The following MBD1 variants were observed in gnomAD, a reference collection of about 807,000 sequenced individuals.
The protein encoded by MBD1 is methyl-CpG-binding domain protein 1.
Under a neutral mutation model 82.6 loss-of-function variants are expected in MBD1, and 25 were observed. That is an observed-to-expected ratio of 0.30 (90% CI 0.22 to 0.42). The LOEUF (loss-of-function observed/expected upper bound fraction) is 0.42. MBD1 is among the 10% of genes least tolerant of loss of function. The pLI is 1.00. For missense variants in MBD1, 627 were observed against 819.6 expected (o/e 0.76, Z 2.87); for synonymous variants, 301 against 303.7 (o/e 0.99, Z 0.09).
At position 50,274,138 on chromosome 18, in the gene MBD1, G is replaced by A. The variant is rs775617920; in HGVS notation, c.1146+48C>T. The A allele has an allele frequency of 1.8e-5, 29 of 1,610,312 alleles. 2 individuals are homozygous for A. Among genetic ancestry groups the A allele is most frequent in the East Asian group, 6.7e-5 (3 of 44,880 alleles). On this transcript the variant is annotated intron_variant, in intron 11 of 16. Coordinates refer to ENST00000269468, the MANE Select transcript of MBD1 (RefSeq NM_015846.4). ...GCCCACCACTTCCAGGCACTGGGGC[G>A]CCTGGCCCAACCTATCCCGTCCACC...
chr18:50,271,732 G>A (rs1313858454), intron 15 of MBD1, among the ~76,000 whole-genome samples, 192 bp from the exon 16 acceptor site: 1 of 152,126 alleles, frequency 6.6e-6, no homozygotes, highest in Non-Finnish European at 1.5e-5. Context: ...GCTCCCTGAA[G>A]GTAGGTATCC....
chr18:50,272,056 T>C (rs1379718082), intron 15 of MBD1, among the ~76,000 whole-genome samples: 2 of 152,160 alleles, frequency 1.3e-5, no homozygotes, highest in African/African-American at 2.4e-5. Context: ...CTGCAAGGCA[T>C]CTGAAGTTAA....
rs1225085476 is a variant in MBD1, at chr18:50,277,176, C to T, written c.139G>A (p.Val47Ile). 1.1e-5 allele frequency: 17 copies of T among 1,614,064 alleles called. No individual in the cohort carries two copies. The highest frequency in any genetic ancestry group is 1.4e-5 in the Non-Finnish European group (16 of 1,180,038). The stretch of plus-strand genomic sequence containing the variant: ...GGGCCCAGGTATCGAGTCAGCTCAA[C>T]TTTGCTTCGGATCCTGTCTCCTGTG... ...SPTGDRIRSK[V>I]ELTRYLGPAC... is the part of the protein sequence containing the mutation. The change falls in exon 3 of 17, where the codon GTT (valine) becomes ATT (isoleucine). Residue 47 changes from valine to isoleucine, a missense_variant. Val to Ile is a conservative substitution (Grantham distance 29, BLOSUM62 3). This residue lies in a region of MBD1 where 42 missense variants were observed against 90.4 expected (regional missense o/e 0.46). Coordinates refer to ENST00000269468, the MANE Select transcript of MBD1 (RefSeq NM_015846.4).
chr18:50,273,757 C>A lies in MBD1; in HGVS notation c.1253G>T (p.Gly418Val), dbSNP rs1485303730. Residue 418 changes from glycine (G) to valine (V), a missense_variant, in exon 12 of 17, where the codon GGC (glycine) becomes GTC (valine). Gly to Val is a moderately radical substitution (Grantham distance 109). Coordinates refer to ENST00000269468, the MANE Select transcript of MBD1 (RefSeq NM_015846.4). ...AGCCAAGGTGGGCTTCAAGGTAGGG[C>A]CAAGATGGTGCCGTCGGGCAGAGCT... Reference protein sequence around the residue: ...RPSSARRHHLGPTLKPTLATR... With the variant: ...RPSSARRHHLVPTLKPTLATR... 1.2e-6 allele frequency: 2 copies of A among 1,614,114 alleles called. No homozygotes were observed. The highest frequency in any genetic ancestry group is 1.7e-6 in the Non-Finnish European group (2 of 1,180,034).
chr18:50,281,100 C>T lies in MBD1; in HGVS notation c.-26+263G>A, dbSNP rs546564852. On this transcript the variant is annotated intron_variant, in intron 1 of 16. Transcript: ENST00000269468. The stretch of plus-strand genomic sequence containing the variant: ...CTCAACTTCAGATGCCCCGATGTCT[C>T]CCTTTAGCGTTCTGATCTCCACCAT... 101 of 1,483,804 alleles carry T rather than the reference C, an allele frequency of 6.8e-5. 1 individual carries two copies. In the South Asian group the frequency reaches 1.2e-3, roughly 17 times the overall value. The allele number at this position is 1,483,804 out of a possible 1,614,324, so 91.9% of individuals were successfully genotyped here.
Position 50,281,188 on chromosome 18 carries a change from C to T in MBD1, c.-26+175G>A. The T allele has an allele frequency of 2.0e-6, 3 of 1,534,320 alleles. 1 individual carries two copies. The highest frequency in any genetic ancestry group is 2.4e-5 in the South Asian group (2 of 83,242). The stretch of plus-strand genomic sequence containing the variant: ...CCTGTCAGAGTTCAGAGCTGCATTC[C>T]TTCCCGTCCTCAGCCTAAATCCCCC... On this transcript the variant is annotated intron_variant, in intron 1 of 16. Transcript: ENST00000269468.
chr18:50,272,804 G>C lies in MBD1; in HGVS notation c.1716+20C>G. On this transcript the variant is annotated intron_variant, in intron 14 of 16. Transcript: ENST00000269468. ...GGCTACAGCAGGGTCAGGGCAGGGT[G>C]GGGCATCCCCAGCACTGACCACGGG... is the stretch of plus-strand genomic sequence containing the variant. The C allele has an allele frequency of 6.2e-7, 1 of 1,614,190 alleles. No individual in the cohort carries two copies. Among genetic ancestry groups the C allele is most frequent in the Non-Finnish European group, 8.5e-7 (1 of 1,180,014 alleles).
intron 8 of MBD1, 71 bp downstream of exon 8, chr18:50,275,528 AG>A: frequency 6.2e-7 from 1 of 1,612,206 alleles, no homozygotes; most frequent in Non-Finnish European, 8.5e-7. Flanking sequence ...AGGCAAGGCC[AG>A]GTTGAAAGGA....
chr18:50,275,313 C>G, intron 8 of MBD1, 68 bp from the exon 9 acceptor site: 1 of 1,611,256 alleles, frequency 6.2e-7, no homozygotes, highest in Non-Finnish European at 8.5e-7. Context: ...TCCCCACACC[C>G]TAAGTGCAGA....
At position 50,281,097 on chromosome 18, in the gene MBD1, T is replaced by C. The variant is rs139077061; in HGVS notation, c.-26+266A>G. The stretch of plus-strand genomic sequence containing the variant: ...TCTCTCAACTTCAGATGCCCCGATG[T>C]CTCCCTTTAGCGTTCTGATCTCCAC... On this transcript the variant is annotated intron_variant, in intron 1 of 16. Coordinates refer to ENST00000269468, the MANE Select transcript of MBD1 (RefSeq NM_015846.4). 5.5e-6 allele frequency: 8 copies of C among 1,463,136 alleles called. No individual in the cohort carries two copies. The Middle Eastern group carries it at 5.2e-4, about 94-fold the overall frequency. The allele number at this position is 1,463,136 out of a possible 1,614,324, so 90.6% of individuals were successfully genotyped here.
Position 50,273,772 on chromosome 18 carries a change from C to T in MBD1, c.1238G>A (p.Arg413Gln), listed in dbSNP as rs145074114. 16 of 1,613,966 alleles carry T rather than the reference C, an allele frequency of 9.9e-6. No individual in the cohort carries two copies. The African/African-American group carries it at 1.3e-4, about 13-fold the overall frequency. ...CAAGGTAGGGCCAAGATGGTGCCGT[C>T]GGGCAGAGCTGGGCCTCTTTCGACG... is the stretch of plus-strand genomic sequence containing the variant. ...YRRRKRPSSA[R>Q]RHHLGPTLKP... is the part of the protein sequence containing the mutation. Residue 413 changes from arginine (R) to glutamine (Q), a missense_variant, in exon 12 of 17, where the codon CGA (arginine) becomes CAA (glutamine). Physicochemically the swap from Arg to Gln is conservative, Grantham distance 43. Around this residue, in one of 6 missense-constraint regions of MBD1, gnomAD observed 265 missense variants for 278.4 expected, o/e 0.95. Coordinates refer to ENST00000269468, the MANE Select transcript of MBD1 (RefSeq NM_015846.4).
intron 5 of MBD1, 113 bp from the exon 6 acceptor site, chr18:50,276,531 C>T (rs1287353922): frequency 1.4e-6 from 2 of 1,434,972 alleles, no homozygotes; most frequent in South Asian, 1.2e-5. Flanking sequence ...TGCCTGCTAT[C>T]TCCAATATCC....
chr18:50,280,983 C>T (rs564100242), intron 1 of MBD1, among the ~76,000 whole-genome samples: 2 of 152,096 alleles, frequency 1.3e-5, no homozygotes, highest in Non-Finnish European at 2.9e-5. Flanking sequence ...TCCTATTCCT[C>T]CCTTTCAGCA....
At chr18:50,275,515 G>A in intron 8 of MBD1, 85 bp downstream of exon 8, 4 of 1,608,956 alleles carry the variant, frequency 2.5e-6, no homozygotes, top group Middle Eastern at 1.7e-4. Flanking sequence ...AAAGACATGA[G>A]GTAGGCAAGG....
At chr18:50,281,268 G>T in intron 1 of MBD1, 95 bp downstream of exon 1, 1 of 1,508,054 alleles carries the variant, frequency 6.6e-7, no homozygotes, top group Non-Finnish European at 8.9e-7. Context: ...ATCGGCCTGA[G>T]GGCCCTTCAT....
intron 14 of MBD1, 22 bp downstream of exon 14, chr18:50,272,802 G>A (rs201845429): frequency 1.2e-6 from 2 of 1,614,260 alleles, no homozygotes; most frequent in African/African-American, 1.3e-5. Flanking sequence ...TCAGGGCAGG[G>A]TGGGGCATCC....
In MBD1 at chr18:50,275,971, CA is replaced by C; in HGVS notation, c.526del (p.Cys176ValfsTer9). The C allele has an allele frequency of 6.2e-7, 1 of 1,612,804 alleles. No homozygotes were observed. The highest frequency in any genetic ancestry group is 8.5e-7 in the Non-Finnish European group (1 of 1,180,018). ...TACCTGGCAGGCTGCACACTCCCCA[CA>C]GCCCACACGCTGCCAGGAATGGTAG... ...REQRMFKRVGCGECAACQVTE... is the reference protein window; with the variant it reads ...REQRMFKRVGXGECAACQVTE... On this transcript the variant is annotated frameshift_variant, in exon 7 of 17. Transcript: ENST00000269468. LOFTEE classifies it high-confidence loss of function.
chr18:50,275,742 G>A lies in MBD1; in HGVS notation c.664-14C>T, dbSNP rs1409764864. The A allele has an allele frequency of 1.6e-5, 26 of 1,614,036 alleles. No homozygotes were observed. The highest frequency in any genetic ancestry group is 1.6e-4 in the Middle Eastern group (1 of 6,084). On this transcript the variant is annotated splice_polypyrimidine_tract_variant and intron_variant, in intron 7 of 16. Transcript: ENST00000269468. ...ACACCCTCGGCTCTGTTGGCGGGGG[G>A]CAGGTGGGAGCAGAGGCATGAAGCA...
intron 2 of MBD1, among the ~76,000 whole-genome samples, chr18:50,277,516 T>TTA (rs749573543): frequency 7.9e-5 from 12 of 151,472 alleles, no homozygotes; most frequent in Non-Finnish European, 1.3e-4. Context: ...TATATTTGTG[T>TTA]TATATATATA....
Sources: allele counts gnomAD v4.1 joint callset (sites outside exome capture counted in the v4.1 genomes callset), GRCh38; gene constraint gnomAD v4.1.1; regional missense constraint gnomAD v4.1.1; transcripts MANE v1.5; gene names NCBI Gene and HGNC (gene_info 2026-07-23, HGNC 2026-07-21).